Variants in CNTLN observed in about 807,000 individuals in gnomAD.
CNTLN encodes centlein, centrosomal protein.
CNTLN carries 212 observed loss-of-function variants against 180.0 expected under a neutral mutation model. The ratio of observed to expected loss-of-function variants is 1.18; its 90% CI spans 1.05 to 1.32. The LOEUF (loss-of-function observed/expected upper bound fraction) is 1.32. Ranked by LOEUF, CNTLN falls within the 40% of genes most tolerant of loss-of-function variation. The pLI is 0.00. For missense variants in CNTLN, 2,095 were observed against 1,610.9 expected, an observed-to-expected ratio of 1.30 and a Z score of -5.14; for synonymous variants, 722 against 563.1, an observed-to-expected ratio of 1.28 and a Z score of -3.99.
At chr9:17,257,499 G>A (rs1826597719) in intron 5 of CNTLN, among the ~76,000 whole-genome samples, 1 of 151,660 alleles carries the variant, frequency 6.6e-6, no homozygotes, top group Non-Finnish European at 1.5e-5. Flanking sequence ...CCCAGTAATG[G>A]GATGGCTGGG....
At chr9:17,379,076 A>G (rs1258440782) in intron 13 of CNTLN, among the ~76,000 whole-genome samples, 2 of 151,766 alleles carry the variant, frequency 1.3e-5, no homozygotes, top group African/African-American at 2.4e-5. Context: ...TTAGCAGTTA[A>G]TTACTCCACT....
chr9:17,517,622 G>T, the CNTLN span, among the ~76,000 whole-genome samples: 1 of 151,858 alleles, frequency 6.6e-6, no homozygotes, highest in Non-Finnish European at 1.5e-5. Context: ...AGGCTGCCTC[G>T]GCTGAAGGAA....
chr9:17,462,452 G>A (rs930302421), intron 19 of CNTLN, among the ~76,000 whole-genome samples: 2 of 151,692 alleles, frequency 1.3e-5, no homozygotes, highest in African/African-American at 2.4e-5. Flanking sequence ...CATTCTTTTC[G>A]ACAAAGCAAG....
Position 17,332,633 on chromosome 9 carries a change from T to C in CNTLN, c.1547T>C (p.Leu516Ser). 2 of 1,608,654 alleles carry C rather than the reference T, an allele frequency of 1.2e-6. No individual in the cohort carries two copies. Among genetic ancestry groups the C allele is most frequent in the Non-Finnish European group, 1.7e-6 (2 of 1,177,662 alleles). ...CCACCTGTGAAACGTTCAAGGTCTTTGTCCCCAAAGAGCTCTTTCACAGAC... is the reference window on the plus strand; with the variant it reads ...CCACCTGTGAAACGTTCAAGGTCTTCGTCCCCAAAGAGCTCTTTCACAGAC... ...KEPPVKRSRS[L>S]SPKSSFTDSE... The change falls in exon 10 of 26, where the codon TTG becomes TCG. Residue 516 changes from leucine to serine, a missense_variant. Physicochemically the swap from Leu to Ser is moderately radical, Grantham distance 145 (BLOSUM62 -2). Transcript: ENST00000380647.
At chr9:17,479,377 A>G (rs899311389) in intron 23 of CNTLN, among the ~76,000 whole-genome samples, 1 of 152,244 alleles carries the variant, frequency 6.6e-6, no homozygotes, top group Non-Finnish European at 1.5e-5. Flanking sequence ...GAAATTCTGC[A>G]GTATGCAACA....
At chr9:17,340,193 A>C (rs765634790) in intron 10 of CNTLN, among the ~76,000 whole-genome samples, 2 of 152,274 alleles carry the variant, frequency 1.3e-5, no homozygotes, top group Non-Finnish European at 2.9e-5. Context: ...ATAATTGTCT[A>C]ACCTAGGTAT....
At chr9:17,400,478 G>A (rs958364309) in intron 15 of CNTLN, among the ~76,000 whole-genome samples, 2 of 152,130 alleles carry the variant, frequency 1.3e-5, no homozygotes, top group Non-Finnish European at 2.9e-5. Flanking sequence ...GATTAGGAAC[G>A]TGGAATCTGT....
chr9:17,473,305 G>A (rs779400212), intron 23 of CNTLN, among the ~76,000 whole-genome samples: 5 of 151,984 alleles, frequency 3.3e-5, no homozygotes, highest in Admixed American at 6.6e-5. Flanking sequence ...TCTCAGCTGC[G>A]TCTTTCACTG....
intron 18 of CNTLN, among the ~76,000 whole-genome samples, chr9:17,437,594 A>G (rs1466324155): frequency 6.6e-6 from 1 of 152,200 alleles, no homozygotes; most frequent in African/African-American, 2.4e-5. Flanking sequence ...AACTGTGCAT[A>G]TATTTTAGAG....
At chr9:17,493,801 C>G (rs1454172919) in intron 25 of CNTLN, among the ~76,000 whole-genome samples, 2 of 152,208 alleles carry the variant, frequency 1.3e-5, no homozygotes, top group African/African-American at 2.4e-5. Context: ...AACTCAGTAA[C>G]TGCTGAAGAA....
chr9:17,278,977 A>C (rs1380420215), intron 6 of CNTLN, among the ~76,000 whole-genome samples: 2 of 152,136 alleles, frequency 1.3e-5, no homozygotes, highest in East Asian at 3.9e-4. Flanking sequence ...AGGCTCTCTG[A>C]TGTGAAATTG....
intron 1 of CNTLN, among the ~76,000 whole-genome samples, chr9:17,135,997 G>A (rs1033043491): frequency 3.3e-5 from 5 of 152,152 alleles, no homozygotes; most frequent in African/African-American, 7.2e-5. Flanking sequence ...AACCAGCTAT[G>A]GTAATTCCGC....
intron 2 of CNTLN, among the ~76,000 whole-genome samples, chr9:17,191,192 T>G (rs1353598577): frequency 6.6e-6 from 1 of 152,252 alleles, no homozygotes; most frequent in Non-Finnish European, 1.5e-5. Flanking sequence ...CAGCTTCTCA[T>G]ACTTTGAAAT....
At chr9:17,250,351 T>C (rs1258122903) in intron 5 of CNTLN, among the ~76,000 whole-genome samples, 1 of 151,996 alleles carries the variant, frequency 6.6e-6, no homozygotes, top group Non-Finnish European at 1.5e-5. Context: ...AGAATTTAAT[T>C]CATATATATT....
rs1491555767 is a variant in CNTLN at position 17,464,480 on chromosome 9, CCT to C, written c.3405-16_3405-15del. On this transcript the variant is annotated splice_polypyrimidine_tract_variant and intron_variant, in intron 20 of 25. Coordinates refer to ENST00000380647, the MANE Select transcript of CNTLN (RefSeq NM_017738.4). ...GTATTTTCTGTCACTCTTGATGTCA[CCT>C]TTTTTTTTTTCAAGGATATCTCGAA... 2.0e-5 allele frequency: 30 copies of C among 1,525,188 alleles called. No homozygotes were observed. Among genetic ancestry groups the C allele is most frequent in the Non-Finnish European group, 2.4e-5 (27 of 1,144,622 alleles). 94.5% of individuals were successfully genotyped at this position (1,525,188 alleles called of 1,614,324 possible).
intron 2 of CNTLN, among the ~76,000 whole-genome samples, chr9:17,181,296 C>T (rs868214856): frequency 6.6e-6 from 1 of 152,188 alleles, no homozygotes; most frequent in Non-Finnish European, 1.5e-5. Context: ...TTCCTGTCCT[C>T]TCCAGTTGGC....
intron 13 of CNTLN, among the ~76,000 whole-genome samples, chr9:17,375,482 CAT>C (rs1446012151): frequency 6.6e-6 from 1 of 152,168 alleles, no homozygotes; most frequent in Non-Finnish European, 1.5e-5. Context: ...CTGTGTATCA[CAT>C]GTCATCTACC....
At chr9:17,270,374 A>G (rs749077570) in intron 5 of CNTLN, among the ~76,000 whole-genome samples, 1 of 152,086 alleles carries the variant, frequency 6.6e-6, no homozygotes, top group African/African-American at 2.4e-5. Context: ...TGGCATCTTC[A>G]TATTTTTTTC....
At chr9:17,350,169 G>A (rs1224195156) in intron 12 of CNTLN, among the ~76,000 whole-genome samples, 1 of 152,102 alleles carries the variant, frequency 6.6e-6, no homozygotes, top group African/African-American at 2.4e-5. Context: ...TATAATAAGG[G>A]GCTCAAGTGC....
Sources: allele counts gnomAD v4.1 joint callset (sites outside exome capture counted in the v4.1 genomes callset), GRCh38; gene constraint gnomAD v4.1.1; transcripts MANE v1.5; gene names NCBI Gene and HGNC (gene_info 2026-07-23, HGNC 2026-07-21).